GBA2: variants seen among roughly 807,000 people sequenced by gnomAD.
GBA2 encodes the protein glucosylceramidase beta 2, also known as non-lysosomal glucosylceramidase.
Under a neutral mutation model 112.9 loss-of-function variants are expected in GBA2, and 79 were observed. The observed-to-expected ratio is 0.70, with a 90% CI of 0.58 to 0.84. The LOEUF (loss-of-function observed/expected upper bound fraction) is 0.84. GBA2 is among the 40% of genes least tolerant of loss of function. GBA2 has a pLI of 0.00. For synonymous variants in GBA2, 403 were observed against 434.3 expected (o/e 0.93, Z 0.90); for missense variants, 1,043 against 1,190.0 (o/e 0.88, Z 1.82).
Position 35,736,928 on chromosome 9 carries a change from A to C in GBA2, c.*241T>G. On this transcript the variant is annotated 3_prime_UTR_variant, in exon 17 of 17. Transcript: ENST00000378103. ...TCACACCATGAATGTACCTGGGGAA[A>C]TCAACTGACCTCCCTGAACATTTCA... 1 of 741,130 alleles carries C rather than the reference A, an allele frequency of 1.3e-6. No individual in the cohort carries two copies. The highest frequency in any genetic ancestry group is 2.2e-6 in the Non-Finnish European group (1 of 464,376). 45.9% of individuals were successfully genotyped at this position (741,130 alleles called of 1,614,324 possible). A position where few individuals can be genotyped will look rare whatever the true frequency, so the allele number is the denominator to read the frequency against.
rs1826268455 is a variant in GBA2 at position 35,737,347 on chromosome 9, T to C, written c.2606A>G (p.Gln869Arg). ...AFQTPEAYCQ[Q>R]RVFRSLAYMR... ...GTAGGCCAGTGAGCGGAACACTCGC[T>C]GCTGGCAGTATGCCTCTGGGGTCTG... The change falls in exon 17 of 17, where the codon CAG becomes CGG. Residue 869 changes from glutamine (Q) to arginine (R), a missense_variant. Coordinates refer to ENST00000378103, the MANE Select transcript of GBA2 (RefSeq NM_020944.3). This position sits in a 1 kb window ranked among gnomAD's most constrained non-coding sequence, Gnocchi z 4.1. 1 of 1,614,070 alleles carries C rather than the reference T, an allele frequency of 6.2e-7. No homozygotes were observed. Among genetic ancestry groups the C allele is most frequent in the African/African-American group, 1.3e-5 (1 of 74,954 alleles).
At chr9:35,743,875 T>C (rs1443258039) in intron 3 of GBA2, among the ~76,000 whole-genome samples, 1 of 152,188 alleles carries the variant, frequency 6.6e-6, no homozygotes, top group Non-Finnish European at 1.5e-5. Flanking sequence ...GGTTCCTCAA[T>C]CAGGGTGAGG....
Position 35,738,817 on chromosome 9 carries a change from C to A in GBA2, c.1882G>T (p.Val628Phe). ...KDLNLKFVLQVYRDYYLTGDQ... is the reference protein window; with the variant it reads ...KDLNLKFVLQFYRDYYLTGDQ... ...CCCGTGAGGTAATAGTCCCGATAAA[C>A]CTGCAGCACAAACTTCAGGTTCAGG... The change falls in exon 12 of 17, where the codon GTT (valine) becomes TTT (phenylalanine). Residue 628 changes from valine (V) to phenylalanine (F), a missense_variant. Coordinates refer to ENST00000378103, the MANE Select transcript of GBA2 (RefSeq NM_020944.3). 6.2e-7 allele frequency: 1 copy of A among 1,614,126 alleles called. No individual in the cohort carries two copies. Among genetic ancestry groups the A allele is most frequent in the Non-Finnish European group, 8.5e-7 (1 of 1,179,956 alleles).
Position 35,740,057 on chromosome 9 carries a change from G to C in GBA2, c.1350C>G (p.Cys450Trp). The stretch of plus-strand genomic sequence containing the variant: ...TCCTCTCTTCCCACTCTGCGTATCG[G>C]CACAGTGCATAGTGGCTGAGGGCAG... ...AAPALSHYALCRYAEWEERIS... is the reference protein window; with the variant it reads ...AAPALSHYALWRYAEWEERIS... Residue 450 changes from cysteine (C) to tryptophan (W), a missense_variant, in exon 8 of 17, where the codon TGC (cysteine) becomes TGG (tryptophan). Coordinates refer to ENST00000378103, the MANE Select transcript of GBA2 (RefSeq NM_020944.3). This position sits in a 1 kb window ranked among gnomAD's most constrained non-coding sequence, Gnocchi z 4.7. 3 of 1,613,986 alleles carry C rather than the reference G, an allele frequency of 1.9e-6. No individual in the cohort carries two copies. The highest frequency in any genetic ancestry group is 2.5e-6 in the Non-Finnish European group (3 of 1,179,904).
Position 35,741,061 on chromosome 9 carries a change from T to C in GBA2, c.790A>G (p.Ser264Gly), listed in dbSNP as rs1826641726. ...TPILPHDYQD[S>G]SLPVGVFVWD... The stretch of plus-strand genomic sequence containing the variant: ...ACAAAGACTCCTACAGGCAGGCTGC[T>C]GTCCTGGGGGCAGAAGATTAGACTC... The change falls in exon 5 of 17, where the codon AGC becomes GGC. Residue 264 changes from serine to glycine, a missense_variant. By Grantham distance (56) the Ser-to-Gly change is moderately conservative (BLOSUM62 0). Transcript: ENST00000378103. This position sits in a 1 kb window ranked among gnomAD's most constrained non-coding sequence, Gnocchi z 4.6. 2 of 1,613,982 alleles carry C rather than the reference T, an allele frequency of 1.2e-6. No homozygotes were observed. The highest frequency in any genetic ancestry group is 2.7e-5 in the African/African-American group (2 of 74,918).
At position 35,740,754 on chromosome 9, in the gene GBA2, T is replaced by C; in HGVS notation, c.1026+71A>G. ...GGGGCTTACAGGAGTATGATGAGGGTGGATGAAGAGACCATGCTGGGGTGG... is the reference window on the plus strand; with the variant it reads ...GGGGCTTACAGGAGTATGATGAGGGCGGATGAAGAGACCATGCTGGGGTGG... On this transcript the variant is annotated intron_variant, in intron 5 of 16. Coordinates refer to ENST00000378103, the MANE Select transcript of GBA2 (RefSeq NM_020944.3). The surrounding 1 kb of genome is among the most constrained non-coding windows in gnomAD (Gnocchi z 4.7). 1 of 1,580,450 alleles carries C rather than the reference T, an allele frequency of 6.3e-7. No individual in the cohort carries two copies. Among genetic ancestry groups the C allele is most frequent in the Non-Finnish European group, 8.7e-7 (1 of 1,153,054 alleles).
rs749878330 is a variant in GBA2, at chr9:35,748,413, T to A, written c.292A>T (p.Arg98Trp). The A allele has an allele frequency of 6.2e-7, 1 of 1,614,194 alleles. No homozygotes were observed. The highest frequency in any genetic ancestry group is 1.7e-5 in the Admixed American group (1 of 60,024). ...ICLAHEFTEK[R>W]KPFQANNVSL... ...ACGTTGTTAGCTTGAAAGGGTTTCC[T>A]CTTCTCTGTAAACTCATGAGCCAGA... The change falls in exon 1 of 17, where the codon AGG becomes TGG. Residue 98 changes from arginine to tryptophan, a missense_variant. Arg to Trp is a moderately radical substitution (Grantham distance 101). Transcript: ENST00000378103.
Position 35,740,908 on chromosome 9 carries a change from T to A in GBA2, c.943A>T (p.Ser315Cys). 1 of 1,613,882 alleles carries A rather than the reference T, an allele frequency of 6.2e-7. No individual in the cohort carries two copies. The highest frequency in any genetic ancestry group is 8.5e-7 in the Non-Finnish European group (1 of 1,179,898). ...LWNEPFCLER[S>C]GETVRGLLLH... is the part of the protein sequence containing the mutation. ...AGCAGCCCCCGGACAGTTTCCCCGC[T>A]ACGCTCCAGACAGAAGGGCTCATTC... is the stretch of plus-strand genomic sequence containing the variant. The change falls in exon 5 of 17, where the codon AGC becomes TGC. Residue 315 changes from serine to cysteine, a missense_variant. Ser to Cys is a moderately radical substitution (Grantham distance 112). Coordinates refer to ENST00000378103, the MANE Select transcript of GBA2 (RefSeq NM_020944.3). This position sits in a 1 kb window ranked among gnomAD's most constrained non-coding sequence, Gnocchi z 4.7.
chr9:35,737,346 C>T lies in GBA2; in HGVS notation c.2607G>A (p.Gln869=). The change falls in exon 17 of 17, where the codon CAG becomes CAA. Residue 869 remains glutamine (Q), a synonymous_variant. Coordinates refer to ENST00000378103, the MANE Select transcript of GBA2 (RefSeq NM_020944.3). This position sits in a 1 kb window ranked among gnomAD's most constrained non-coding sequence, Gnocchi z 4.1. Reference sequence around the variant, plus strand: ...TGTAGGCCAGTGAGCGGAACACTCGCTGCTGGCAGTATGCCTCTGGGGTCT... The same window carrying T: ...TGTAGGCCAGTGAGCGGAACACTCGTTGCTGGCAGTATGCCTCTGGGGTCT... The part of the protein sequence containing the change: ...AFQTPEAYCQ[Q]RVFRSLAYMR... 1 of 1,614,174 alleles carries T rather than the reference C, an allele frequency of 6.2e-7. No individual in the cohort carries two copies. Among genetic ancestry groups the T allele is most frequent in the Non-Finnish European group, 8.5e-7 (1 of 1,180,046 alleles).
At chr9:35,745,545 CT>C (rs534174969) in intron 1 of GBA2, among the ~76,000 whole-genome samples, 3,480 of 132,824 alleles carry the variant, frequency 0.026, 91 homozygotes, top group African/African-American at 0.076. Context: ...CCTCTCAAGC[CT>C]TTTTTTTTTT....
chr9:35,744,219 C>T (rs879424584), intron 3 of GBA2, 78 bp downstream of exon 3: 5 of 806,674 alleles, frequency 6.2e-6, no homozygotes, highest in Non-Finnish European at 1.1e-5. Flanking sequence ...TAACTGCTAC[C>T]TTCTACACTA....
chr9:35,748,786 T>C lies in GBA2; in HGVS notation c.-82A>G, dbSNP rs187700638. 41 of 857,966 alleles carry C rather than the reference T, an allele frequency of 4.8e-5. No individual in the cohort carries two copies. The African/African-American group carries it at 5.4e-4, about 11-fold the overall frequency. The allele number at this position is 857,966 out of a possible 1,614,324, so 53.1% of individuals were successfully genotyped here. ...TCCAGATGCGGGCGCCGGTCGTTGT[T>C]AGGTATCGTCCCGGAGGGCCGGGCG... On this transcript the variant is annotated 5_prime_UTR_variant, in exon 1 of 17. It removes the in-frame stop codon of an upstream open reading frame in the 5' UTR. Coordinates refer to ENST00000378103, the MANE Select transcript of GBA2 (RefSeq NM_020944.3).
chr9:35,748,734 C>T lies in GBA2; in HGVS notation c.-30G>A. 1 of 1,353,918 alleles carries T rather than the reference C, an allele frequency of 7.4e-7. No homozygotes were observed. Among genetic ancestry groups the T allele is most frequent in the Non-Finnish European group, 1.0e-6 (1 of 984,390 alleles). 83.9% of individuals were successfully genotyped at this position (1,353,918 alleles called of 1,614,324 possible). ...TCGATGGCGCCAAGTCCCGAGCCCT[C>T]GGATACTAAGTATCTCGCCAGCCTA... On this transcript the variant is annotated 5_prime_UTR_variant, in exon 1 of 17. Coordinates refer to ENST00000378103, the MANE Select transcript of GBA2 (RefSeq NM_020944.3).
chr9:35,743,895 C>A (rs1355150929), intron 3 of GBA2, among the ~76,000 whole-genome samples: 1 of 152,114 alleles, frequency 6.6e-6, no homozygotes, highest in Non-Finnish European at 1.5e-5. Flanking sequence ...GAACCTTGTA[C>A]TACGTGTCTT....
chr9:35,739,188 G>T, intron 10 of GBA2, 79 bp from the exon 11 acceptor site: 1 of 1,046,676 alleles, frequency 9.6e-7, no homozygotes, highest in Non-Finnish European at 1.5e-6. Flanking sequence ...TGACTGCAGT[G>T]GGGAACCAGT....
intron 3 of GBA2, chr9:35,743,207 T>C (rs1020501260): frequency 3.3e-5 from 5 of 153,784 alleles, no homozygotes; most frequent in Admixed American, 6.5e-5. Context: ...TGGTACATAA[T>C]GGTTAAGACC....
Position 35,744,322 on chromosome 9 carries a change from T to C in GBA2, c.542A>G (p.Gln181Arg). ...CRWQLNPGMY[Q>R]HRTVIADQFT... The stretch of plus-strand genomic sequence containing the variant: ...TTGGTCAGCGATGACTGTCCGGTGC[T>C]GATACATTCCAGGGTTAAGCTGCCA... The change falls in exon 3 of 17, where the codon CAG becomes CGG. Residue 181 changes from glutamine to arginine, a missense_variant. Transcript: ENST00000378103. The C allele has an allele frequency of 6.2e-7, 1 of 1,610,864 alleles. No individual in the cohort carries two copies. Among genetic ancestry groups the C allele is most frequent in the Non-Finnish European group, 8.5e-7 (1 of 1,177,020 alleles).
At chr9:35,738,203 T>G (rs535085024) in intron 14 of GBA2, 29 bp downstream of exon 14, 2 of 1,614,058 alleles carry the variant, frequency 1.2e-6, no homozygotes, top group African/African-American at 2.7e-5. Context: ...CTCAGCTGCC[T>G]TAAGACTACT....
Position 35,737,964 on chromosome 9 carries a change from G to A in GBA2, c.2314-25C>T. ...CCTGGAGGGGCAAGGGCAGGAACATGGTCTCATATACTTACTTCCCACCTC... is the reference window on the plus strand; with the variant it reads ...CCTGGAGGGGCAAGGGCAGGAACATAGTCTCATATACTTACTTCCCACCTC... On this transcript the variant is annotated intron_variant, in intron 15 of 16. Transcript: ENST00000378103. This position sits in a 1 kb window ranked among gnomAD's most constrained non-coding sequence, Gnocchi z 4.1. 6.2e-7 allele frequency: 1 copy of A among 1,604,804 alleles called. No homozygotes were observed. The highest frequency in any genetic ancestry group is 2.2e-5 in the East Asian group (1 of 44,776).
Sources: gnomAD v4.1 joint callset for allele counts (sites outside exome capture counted in the v4.1 genomes callset) on GRCh38, gnomAD v4.1.1 for gene constraint, Gnocchi (gnomAD v3.1) non-coding constraint, MANE v1.5 for transcripts, NCBI Gene and HGNC (gene_info 2026-07-23, HGNC 2026-07-21) for gene names.